The following NEK11 variants were observed in gnomAD, a reference collection of about 807,000 sequenced individuals.
The protein encoded by NEK11 is serine/threonine-protein kinase Nek11.
NEK11 carries 72 observed loss-of-function variants against 80.7 expected under a neutral mutation model. The ratio of observed to expected loss-of-function variants is 0.89; its 90% confidence interval spans 0.74 to 1.08. NEK11 has a LOEUF of 1.08. Among genes scored for constraint, NEK11 ranks in the 50% least tolerant of loss-of-function variants. NEK11 has a pLI of 0.00. For synonymous variants in NEK11, 251 were observed against 260.7 expected (o/e 0.96, Z 0.36); for missense variants, 764 against 763.6 (o/e 1.00, Z -0.01).
At chr3:131,091,676 G>A (rs941708647) in intron 4 of NEK11, among the ~76,000 whole-genome samples, 1 of 152,042 alleles carries the variant, frequency 6.6e-6, no homozygotes, top group African/African-American at 2.4e-5. Context: ...TGCAGTTTGG[G>A]GATAAATTCC....
At chr3:131,331,626 C>T (rs561415617) in intron 17 of NEK11, among the ~76,000 whole-genome samples, 13 of 152,176 alleles carry the variant, frequency 8.5e-5, no homozygotes, top group African/African-American at 2.4e-4. Context: ...GTGGGTGCAG[C>T]GCACCGTGCG....
chr3:131,169,058 T>A, intron 13 of NEK11, 121 bp downstream of exon 13: 1 of 609,948 alleles, frequency 1.6e-6, no homozygotes. Context: ...GTTTTAAATG[T>A]AGCAGGAAAA....
At chr3:131,256,175 T>C (rs1481124776) in intron 16 of NEK11, among the ~76,000 whole-genome samples, 3 of 152,144 alleles carry the variant, frequency 2.0e-5, no homozygotes, top group African/African-American at 7.2e-5. Flanking sequence ...CAATATCATA[T>C]TGTACATTTC....
intron 16 of NEK11, among the ~76,000 whole-genome samples, chr3:131,262,741 G>A (rs984134706): frequency 6.6e-6 from 1 of 152,100 alleles, no homozygotes; most frequent in South Asian, 2.1e-4. Flanking sequence ...GTATACACAT[G>A]CCATGGTGGT....
chr3:131,235,683 T>C (rs1377748783), intron 15 of NEK11, among the ~76,000 whole-genome samples: 1 of 152,150 alleles, frequency 6.6e-6, no homozygotes, highest in Non-Finnish European at 1.5e-5. Context: ...TGCCAAACCC[T>C]TTACATGCCT....
chr3:131,148,172 A>T (rs2088787362), intron 7 of NEK11, among the ~76,000 whole-genome samples: 1 of 151,794 alleles, frequency 6.6e-6, no homozygotes, highest in South Asian at 2.1e-4. Context: ...ATTTTGATTG[A>T]TTTATTTTCA....
At chr3:131,050,693 A>G (rs1043580177) in intron 3 of NEK11, among the ~76,000 whole-genome samples, 1 of 152,172 alleles carries the variant, frequency 6.6e-6, no homozygotes, top group African/African-American at 2.4e-5. Flanking sequence ...AATGCCATAT[A>G]TTTTCCACAT....
intron 3 of NEK11, among the ~76,000 whole-genome samples, chr3:131,052,261 A>T (rs559246563): frequency 1.3e-5 from 2 of 149,568 alleles, no homozygotes; most frequent in Admixed American, 1.4e-4. Flanking sequence ...GTGTGGTTGT[A>T]GTATAATTTA....
At chr3:131,309,585 C>T (rs1477902272) in intron 17 of NEK11, among the ~76,000 whole-genome samples, 1 of 148,528 alleles carries the variant, frequency 6.7e-6, no homozygotes, top group Non-Finnish European at 1.5e-5. Context: ...ACTGGAACAT[C>T]TGGGTACAAG....
intron 16 of NEK11, among the ~76,000 whole-genome samples, chr3:131,262,504 T>A (rs1231932464): frequency 1.3e-5 from 2 of 152,230 alleles, no homozygotes; most frequent in African/African-American, 4.8e-5. Context: ...CCAATTTGGA[T>A]TCCTTTGACT....
At chr3:131,245,743 T>A (rs1261140690) in intron 16 of NEK11, among the ~76,000 whole-genome samples, 3 of 152,110 alleles carry the variant, frequency 2.0e-5, no homozygotes, top group Admixed American at 2.0e-4. Context: ...GTCTTCTTCT[T>A]TTGAAAAATG....
chr3:131,078,563 A>T (rs1450088228), intron 3 of NEK11, among the ~76,000 whole-genome samples: 1 of 152,152 alleles, frequency 6.6e-6, no homozygotes, highest in Non-Finnish European at 1.5e-5. Flanking sequence ...GACCCTGAAT[A>T]TGAAACAAGA....
intron 3 of NEK11, among the ~76,000 whole-genome samples, chr3:131,048,190 A>T (rs991107276): frequency 6.6e-6 from 1 of 152,190 alleles, no homozygotes; most frequent in Non-Finnish European, 1.5e-5. Flanking sequence ...AACTTTCCCC[A>T]GGCCACCAGC....
intron 10 of NEK11, among the ~76,000 whole-genome samples, chr3:131,160,515 C>T (rs577019413): frequency 1.3e-5 from 2 of 152,264 alleles, no homozygotes; most frequent in South Asian, 2.1e-4. Context: ...ATAGAGCAAC[C>T]ATACAAACAA....
chr3:131,265,679 T>A (rs2096039275), intron 16 of NEK11, among the ~76,000 whole-genome samples: 1 of 152,192 alleles, frequency 6.6e-6, no homozygotes, highest in South Asian at 2.1e-4. Context: ...AAATTTTCTT[T>A]TTTTTGTTGT....
At chr3:131,231,208 C>CT (rs200841954) in intron 15 of NEK11, among the ~76,000 whole-genome samples, 2,184 of 144,424 alleles carry the variant, frequency 0.015, 32 homozygotes, top group East Asian at 0.084. Flanking sequence ...TCTTTTTTTT[C>CT]TTTTTTTTTT....
chr3:131,217,918 T>C (rs1028257768), intron 14 of NEK11, among the ~76,000 whole-genome samples: 14 of 152,184 alleles, frequency 9.2e-5, no homozygotes, highest in African/African-American at 3.4e-4. Flanking sequence ...AAGAAGACTT[T>C]GAAGAGGGCC....
intron 5 of NEK11, among the ~76,000 whole-genome samples, chr3:131,116,210 G>C (rs2081200044): frequency 1.3e-5 from 2 of 151,830 alleles, no homozygotes; most frequent in Non-Finnish European, 2.9e-5. Context: ...TCACCTATGA[G>C]TGAGAACGTG....
At position 131,078,383 on chromosome 3, in the gene NEK11, C is replaced by T. The variant is rs538462098; in HGVS notation, c.171-2040C>T. On this transcript the variant is annotated intron_variant, in intron 3 of 17. Coordinates refer to ENST00000383366, the MANE Select transcript of NEK11 (RefSeq NM_024800.5). ...CCCCGGAATAGGATAAGGGCACTTT[C>T]TACATTTTCCTACTTAGGCTCTCAG... 1.4e-3 allele frequency among the ~76,000 whole-genome samples: 220 copies of T among 152,246 alleles called. 1 individual carries two copies. The highest frequency in any genetic ancestry group is 1.3e-3 in the Non-Finnish European group (86 of 68,002).
Sources: allele counts gnomAD v4.1 joint callset (sites outside exome capture counted in the v4.1 genomes callset), GRCh38; gene constraint gnomAD v4.1.1; transcripts MANE v1.5; gene names NCBI Gene and HGNC (gene_info 2026-07-23, HGNC 2026-07-21).